ADGRV1: variants seen among roughly 807,000 people sequenced by gnomAD.
ADGRV1 encodes G-protein coupled receptor 98.
Under a neutral mutation model 596.2 loss-of-function variants are expected in ADGRV1, and 359 were observed. That is an observed-to-expected ratio of 0.60 (90% CI 0.55 to 0.66). The LOEUF is 0.66. ADGRV1 is among the 30% of genes least tolerant of loss of function. ADGRV1 has a pLI of 0.00. For missense variants in ADGRV1, 7,274 were observed against 7,575.6 expected (o/e 0.96, Z 1.48); for synonymous variants, 2,681 against 2,679.2 (o/e 1.00, Z -0.02).
chr5:90,755,267 A>ATAT (rs1554104916), intron 55 of ADGRV1, 82 bp downstream of exon 55: 1 of 847,068 alleles, frequency 1.2e-6, no homozygotes, highest in East Asian at 2.7e-5. Flanking sequence ...GTAAGTAAAA[A>ATAT]TCTTTTTTTT....
intron 82 of ADGRV1, among the ~76,000 whole-genome samples, chr5:90,862,646 C>G (rs1489432062): frequency 2.6e-5 from 4 of 152,142 alleles, no homozygotes; most frequent in Non-Finnish European, 5.9e-5. Flanking sequence ...CAGAACACCC[C>G]ATGGAAGCCT....
At chr5:90,649,705 T>G (rs1768314132) in intron 17 of ADGRV1, among the ~76,000 whole-genome samples, 2 of 152,156 alleles carry the variant, frequency 1.3e-5, no homozygotes, top group Admixed American at 1.3e-4. Flanking sequence ...GCCAGGCTGG[T>G]CTAGAACTCC....
At chr5:90,595,891 C>T (rs1760431790) in intron 1 of ADGRV1, among the ~76,000 whole-genome samples, 2 of 137,624 alleles carry the variant, frequency 1.5e-5, no homozygotes, top group African/African-American at 5.9e-5. Context: ...GGGGGGCTGA[C>T]CCCCCCCACC....
At chr5:90,837,237 A>G (rs1765044677) in intron 77 of ADGRV1, among the ~76,000 whole-genome samples, 1 of 152,210 alleles carries the variant, frequency 6.6e-6, no homozygotes, top group African/African-American at 2.4e-5. Context: ...ACAAATTTGA[A>G]ACTGATTCCA....
chr5:91,162,174 A>T (rs1217963894), intron 89 of ADGRV1, among the ~76,000 whole-genome samples: 3 of 152,226 alleles, frequency 2.0e-5, no homozygotes, highest in Admixed American at 6.5e-5. Flanking sequence ...TAGGATGCAG[A>T]GCACAGTTTA....
intron 1 of ADGRV1, among the ~76,000 whole-genome samples, chr5:90,602,473 T>C (rs779451950): frequency 2.0e-5 from 3 of 152,184 alleles, no homozygotes; most frequent in Non-Finnish European, 4.4e-5. Flanking sequence ...GTATAAGTGA[T>C]GAGAAAGTCT....
rs535848456 is a variant in ADGRV1 at position 91,099,782 on chromosome 5, G to A, written c.18311-2437G>A. Among the ~76,000 whole-genome samples the A allele has an allele frequency of 6.6e-5, 10 of 152,236 alleles. No homozygotes were observed. The East Asian group carries it at 1.5e-3, about 24-fold the overall frequency. The stretch of plus-strand genomic sequence containing the variant: ...AAGGGAGAAAACTGGAATTAACCCC[G>A]TGATGTTGGGTTGGAATTAGAAGCA... On this transcript the variant is annotated intron_variant, in intron 86 of 89. Coordinates refer to ENST00000405460, the MANE Select transcript of ADGRV1 (RefSeq NM_032119.4).
At chr5:90,579,144 C>T (rs1202879797) in intron 1 of ADGRV1, among the ~76,000 whole-genome samples, 1 of 152,096 alleles carries the variant, frequency 6.6e-6, no homozygotes, top group East Asian at 1.9e-4. Flanking sequence ...TTGCCTTCTG[C>T]TAGCTTTTGA....
At chr5:91,124,091 A>G (rs62376493) in intron 87 of ADGRV1, among the ~76,000 whole-genome samples, 3,521 of 152,228 alleles carry the variant, frequency 0.023, 65 homozygotes, top group Non-Finnish European at 0.037. Context: ...GGAGAGTCTC[A>G]GTGTCCGTCT....
At chr5:90,641,695 AT>A (rs1766991270) in intron 11 of ADGRV1, among the ~76,000 whole-genome samples, 1 of 152,134 alleles carries the variant, frequency 6.6e-6, no homozygotes, top group Admixed American at 6.5e-5. Context: ...TTTTCTACAT[AT>A]TTCTACATAT....
chr5:90,973,996 C>A (rs2151003816), intron 84 of ADGRV1, among the ~76,000 whole-genome samples: 1 of 152,330 alleles, frequency 6.6e-6, no homozygotes. Context: ...GCAACTTCAG[C>A]AAAGTCTCAG....
chr5:90,871,295 T>C (rs1768649295), intron 83 of ADGRV1, among the ~76,000 whole-genome samples: 1 of 152,086 alleles, frequency 6.6e-6, no homozygotes, highest in Non-Finnish European at 1.5e-5. Context: ...TTTTGCTTTC[T>C]TTTTATTTAA....
chr5:90,763,508 T>C (rs1756745222), intron 59 of ADGRV1, 39 bp downstream of exon 59: 1 of 1,563,836 alleles, frequency 6.4e-7, no homozygotes, highest in East Asian at 2.3e-5. Flanking sequence ...TTTTCCCCAA[T>C]TTGTCTTTGA....
intron 44 of ADGRV1, 38 bp downstream of exon 44, chr5:90,720,261 C>G (rs1750739303): frequency 8.0e-7 from 1 of 1,251,182 alleles, no homozygotes; most frequent in Non-Finnish European, 1.1e-6. Flanking sequence ...ACTTCTGAAG[C>G]TATAAGTAGG....
At chr5:90,780,202 T>G (rs2150087034) in intron 64 of ADGRV1, 1 of 152,276 alleles carries the variant, frequency 6.6e-6, no homozygotes, top group East Asian at 1.9e-4. Flanking sequence ...AAAAAGCAGT[T>G]TCTATGTAAG....
At chr5:90,721,531 A>T (rs796132547) in intron 45 of ADGRV1, among the ~76,000 whole-genome samples, 29,279 of 82,160 alleles carry the variant, frequency 0.36, 4,946 homozygotes, top group Admixed American at 0.54. Context: ...AAATAAAAAT[A>T]AAAATAAAAT....
intron 19 of ADGRV1, 52 bp downstream of exon 19, chr5:90,652,615 A>G (rs183275117): frequency 8.5e-7 from 1 of 1,170,008 alleles, no homozygotes; most frequent in African/African-American, 1.6e-5. Flanking sequence ...TTTATACTAA[A>G]TTTTACATTT....
intron 83 of ADGRV1, among the ~76,000 whole-genome samples, chr5:90,930,137 A>G (rs550466829): frequency 7.9e-5 from 12 of 152,312 alleles, no homozygotes; most frequent in African/African-American, 2.9e-4. Flanking sequence ...GGTAAAAAAA[A>G]TACATTTCTT....
At chr5:90,602,222 G>C (rs1761493741) in intron 1 of ADGRV1, among the ~76,000 whole-genome samples, 1 of 152,156 alleles carries the variant, frequency 6.6e-6, no homozygotes, top group Non-Finnish European at 1.5e-5. Context: ...GCCTGGTACA[G>C]TTTTTAATAT....
Sources: allele counts gnomAD v4.1 joint callset (sites outside exome capture counted in the v4.1 genomes callset), GRCh38; gene constraint gnomAD v4.1.1; transcripts MANE v1.5; gene names NCBI Gene and HGNC (gene_info 2026-07-23, HGNC 2026-07-21).